MET: variants seen among roughly 807,000 people sequenced by gnomAD.
MET encodes hepatocyte growth factor receptor.
In MET, 48 loss-of-function variants were observed where a neutral mutation model predicts 133.1. The ratio of observed to expected loss-of-function variants is 0.36; its 90% CI spans 0.29 to 0.46. The LOEUF (loss-of-function observed/expected upper bound fraction) is 0.46, where lower values mean the gene tolerates loss of function less well. MET is among the 20% of genes least tolerant of loss of function. The pLI is 1.00. For missense variants in MET, 1,442 were observed against 1,695.9 expected, an observed-to-expected ratio of 0.85 and a Z score of 2.63; for synonymous variants, 628 against 616.5, an observed-to-expected ratio of 1.02 and a Z score of -0.28.
At chr7:116,755,839 A>G (rs1794158200) in intron 6 of MET, among the ~76,000 whole-genome samples, 1 of 152,198 alleles carries the variant, frequency 6.6e-6, no homozygotes, top group Non-Finnish European at 1.5e-5. Context: ...TCATCCTTGG[A>G]GTCTTCAAAT....
intron 10 of MET, chr7:116,759,745 A>G: frequency 2.1e-6 from 1 of 476,060 alleles, no homozygotes; most frequent in Non-Finnish European, 3.9e-6. Flanking sequence ...TACCAATTTG[A>G]GACAGTGTTT....
intron 1 of MET, among the ~76,000 whole-genome samples, chr7:116,693,813 G>T (rs1273752363): frequency 2.0e-5 from 3 of 152,218 alleles, no homozygotes; most frequent in Admixed American, 6.5e-5. Context: ...ATAAGTGTTT[G>T]TTGGGGGCCA....
intron 1 of MET, among the ~76,000 whole-genome samples, chr7:116,682,519 C>A (rs1227795260): frequency 2.0e-5 from 3 of 152,140 alleles, no homozygotes; most frequent in Non-Finnish European, 4.4e-5. Flanking sequence ...CTGGCATTTT[C>A]TGTTAATAAG....
Position 116,755,041 on chromosome 7 carries a change from A to AAAGAAAGAAAGG in MET, c.1702-312_1702-311insGAAAGAAAGGAA, listed in dbSNP as rs879471092. Among the ~76,000 whole-genome samples, 14 of 37,400 alleles carry AAAGAAAGAAAGG rather than the reference A, an allele frequency of 3.7e-4. No homozygotes were observed. In the East Asian group the frequency reaches 0.01, roughly 27 times the overall value. The allele number at this position is 37,400 out of a possible 152,430, so 24.5% of individuals were successfully genotyped here. On this transcript the variant is annotated intron_variant, in intron 5 of 20. Coordinates refer to ENST00000397752, the MANE Select transcript of MET (RefSeq NM_000245.4). ...GAAAGAAAGAAAGAAAGAAAGAAAG[A>AAAGAAAGAAAGG]AAAGAAAGAAAGAACGGAAGGACTC...
intron 2 of MET, among the ~76,000 whole-genome samples, chr7:116,714,048 C>T (rs563567855): frequency 6.6e-6 from 1 of 152,314 alleles, no homozygotes; most frequent in African/African-American, 2.4e-5. Context: ...CCTCTTTGCA[C>T]TAAGCATTAA....
At position 116,699,624 on chromosome 7, in the gene MET, G is replaced by A. The variant is rs1791488808; in HGVS notation, c.540G>A (p.Leu180=). The A allele has an allele frequency of 6.2e-7, 1 of 1,613,912 alleles. No homozygotes were observed. Among genetic ancestry groups the A allele is most frequent in the Non-Finnish European group, 8.5e-7 (1 of 1,179,948 alleles). The change falls in exon 2 of 21, where the codon CTG becomes CTA. Residue 180 remains leucine (L), a synonymous_variant. Coordinates refer to ENST00000397752, the MANE Select transcript of MET (RefSeq NM_000245.4). The part of the protein sequence containing the change: ...SQCPDCVVSA[L]GAKVLSSVKD... ...GTCCTGACTGTGTGGTGAGCGCCCT[G>A]GGAGCCAAAGTCCTTTCATCTGTAA...
chr7:116,745,561 G>A (rs1485294106), intron 5 of MET, among the ~76,000 whole-genome samples: 1 of 152,170 alleles, frequency 6.6e-6, no homozygotes, highest in Admixed American at 6.5e-5. Flanking sequence ...AAAACAGCAT[G>A]GTACTGGCAC....
rs777833095 is a variant in MET at position 116,763,120 on chromosome 7, A to C, written c.2435A>C (p.Gln812Pro). ...TTPSLQQLNL[Q>P]LPLKTKAFFM... ...CCTTCCCTGCAACAGCTGAATCTGC[A>C]ACTCCCCCTGAAAACCAAAGCCTTT... is the stretch of plus-strand genomic sequence containing the variant. The change falls in exon 11 of 21, where the codon CAA (glutamine) becomes CCA (proline). Residue 812 changes from glutamine to proline, a missense_variant. Physicochemically the swap from Gln to Pro is moderately conservative, Grantham distance 76 (BLOSUM62 -1). This residue lies in a region of MET where 514 missense variants were observed against 659.6 expected (regional missense o/e 0.78). Transcript: ENST00000397752. 1.2e-6 allele frequency: 2 copies of C among 1,613,968 alleles called. No homozygotes were observed. Among genetic ancestry groups the C allele is most frequent in the African/African-American group, 2.7e-5 (2 of 74,914 alleles).
At chr7:116,677,333 C>T (rs895683840) in intron 1 of MET, among the ~76,000 whole-genome samples, 2 of 152,142 alleles carry the variant, frequency 1.3e-5, no homozygotes, top group African/African-American at 2.4e-5. Flanking sequence ...TCTTCCTTTT[C>T]CCTTATTCCC....
intron 2 of MET, among the ~76,000 whole-genome samples, chr7:116,730,259 T>C (rs1276203604): frequency 6.6e-6 from 1 of 151,882 alleles, no homozygotes; most frequent in Non-Finnish European, 1.5e-5. Flanking sequence ...GGAGAACACG[T>C]GACATATTTG....
At chr7:116,788,148 A>T (rs1795374749) in intron 19 of MET, among the ~76,000 whole-genome samples, 1 of 152,194 alleles carries the variant, frequency 6.6e-6, no homozygotes, top group Non-Finnish European at 1.5e-5. Context: ...TCAGAAAACA[A>T]ATCAGTGGTT....
chr7:116,675,787 T>C (rs1179324298), intron 1 of MET, among the ~76,000 whole-genome samples: 1 of 152,058 alleles, frequency 6.6e-6, no homozygotes, highest in Non-Finnish European at 1.5e-5. Context: ...CTTTTCTTTT[T>C]TTCTTTTCTT....
chr7:116,687,540 T>A (rs1333192203), intron 1 of MET, among the ~76,000 whole-genome samples: 2 of 152,228 alleles, frequency 1.3e-5, no homozygotes, highest in Non-Finnish European at 2.9e-5. Context: ...AATCCACATC[T>A]GTACAAAATG....
At chr7:116,783,537 T>C (rs1795216655) in intron 19 of MET, 68 bp downstream of exon 19, 7 of 1,555,588 alleles carry the variant, frequency 4.5e-6, no homozygotes, top group Non-Finnish European at 6.2e-6. Flanking sequence ...TGAAGTTTTA[T>C]CACTACTTAA....
intron 19 of MET, among the ~76,000 whole-genome samples, chr7:116,787,782 G>A (rs1795363330): frequency 6.6e-6 from 1 of 152,194 alleles, no homozygotes; most frequent in African/African-American, 2.4e-5. Flanking sequence ...GTAAGCAGAA[G>A]ATTTGAATAG....
Position 116,694,085 on chromosome 7 carries a change from G to A in MET, c.-14-4986G>A, listed in dbSNP as rs77978685. On this transcript the variant is annotated intron_variant, in intron 1 of 20. Transcript: ENST00000397752. ...TCAGTTGTCACTCATTTAACTAGCA[G>A]TTATCATCATAGTGCCCAGCTCAGC... Among the ~76,000 whole-genome samples, 827 of 152,330 alleles carry A rather than the reference G, an allele frequency of 5.4e-3. 6 individuals carry two copies. The highest frequency in any genetic ancestry group is 0.018 in the African/African-American group (762 of 41,582).
chr7:116,672,219 C>T lies in MET; in HGVS notation c.-373C>T, dbSNP rs1278247606. Among the ~76,000 whole-genome samples, 1 of 151,824 alleles carries T rather than the reference C, an allele frequency of 6.6e-6. No individual in the cohort carries two copies. The highest frequency in any genetic ancestry group is 1.5e-5 in the Non-Finnish European group (1 of 67,876). The stretch of plus-strand genomic sequence containing the variant: ...ACAGACACGTGCTGGGGCGGGCAGG[C>T]GAGCGCCTCAGTCTGGTCGCCTGGC... On this transcript the variant is annotated 5_prime_UTR_variant, in exon 1 of 21. Transcript: ENST00000397752.
chr7:116,766,181 T>C (rs141665829), intron 11 of MET, among the ~76,000 whole-genome samples: 318 of 152,354 alleles, frequency 2.1e-3, no homozygotes, highest in African/African-American at 7.1e-3. Context: ...GCATATCTTA[T>C]GAAAAGTAGA....
chr7:116,785,052 A>T (rs1562936753), intron 19 of MET, among the ~76,000 whole-genome samples: 1 of 152,224 alleles, frequency 6.6e-6, no homozygotes, highest in African/African-American at 2.4e-5. Flanking sequence ...CCAGCAAGGC[A>T]GTTATTAAAT....
Sources: gnomAD v4.1 joint callset for allele counts (sites outside exome capture counted in the v4.1 genomes callset) on GRCh38, gnomAD v4.1.1 for gene constraint, gnomAD v4.1.1 regional missense constraint, MANE v1.5 for transcripts, NCBI Gene and HGNC (gene_info 2026-07-23, HGNC 2026-07-21) for gene names.